PTK2: variants seen among roughly 807,000 people sequenced by gnomAD.
PTK2 encodes focal adhesion kinase 1.
Under a neutral mutation model 150.1 loss-of-function variants are expected in PTK2, and 45 were observed. The ratio of observed to expected loss-of-function variants is 0.30; its 90% CI spans 0.24 to 0.38. The LOEUF is 0.38. Ranked by LOEUF, PTK2 falls within the 10% of genes least tolerant of loss-of-function variation. The pLI is 1.00. For synonymous variants in PTK2, 432 were observed against 449.2 expected (o/e 0.96, Z 0.48); for missense variants, 919 against 1,307.3 (o/e 0.70, Z 4.58).
chr8:140,744,238 C>G (rs895876633), intron 19 of PTK2, among the ~76,000 whole-genome samples: 1 of 152,100 alleles, frequency 6.6e-6, no homozygotes, highest in African/African-American at 2.4e-5. Context: ...CAACAGATGT[C>G]ACTCATAAGG....
chr8:140,938,919 G>C (rs1363135364), intron 1 of PTK2, among the ~76,000 whole-genome samples: 1 of 152,022 alleles, frequency 6.6e-6, no homozygotes, highest in Non-Finnish European at 1.5e-5. Context: ...AAGGCAGGAG[G>C]ATCGCTTGAG....
In PTK2 at chr8:140,833,410, T is replaced by C. The variant is rs865936888; in HGVS notation, c.594-2884A>G. ...TCTCGAAATCAAACTACTTCAGGTT[T>C]TGTGATAGAGGACTCTGAGCCCACC... On this transcript the variant is annotated intron_variant, in intron 7 of 31. Coordinates refer to ENST00000522684, the Ensembl canonical transcript of PTK2. Among the ~76,000 whole-genome samples the C allele has an allele frequency of 2.6e-5, 4 of 152,344 alleles. No homozygotes were observed. The South Asian group carries it at 6.2e-4, about 24-fold the overall frequency.
At chr8:140,920,746 T>G in intron 2 of PTK2, 1 of 1,288,192 alleles carries the variant, frequency 7.8e-7, no homozygotes, top group South Asian at 1.9e-5. Context: ...TGAAAAACAT[T>G]TATCTACCTT....
At chr8:140,667,026 A>C (rs2092504272) in intron 30 of PTK2, among the ~76,000 whole-genome samples, 5 of 152,222 alleles carry the variant, frequency 3.3e-5, no homozygotes, top group Admixed American at 1.3e-4. Context: ...CAAAAAGACA[A>C]ATACAGTATG....
chr8:140,778,375 C>T lies in PTK2; in HGVS notation c.1177+11099G>A, dbSNP rs140258690. ...CTAAGGCACAAGAACTGCTTGAACC[C>T]GGGAAGCGGAGATTGCAGTAAGCCG... On this transcript the variant is annotated intron_variant, in intron 14 of 31. Transcript: ENST00000522684. 5.4e-3 allele frequency among the ~76,000 whole-genome samples: 825 copies of T among 152,298 alleles called. 6 individuals are homozygous for T. Among genetic ancestry groups the T allele is most frequent in the South Asian group, 0.032 (153 of 4,824 alleles).
At chr8:140,923,173 G>C (rs1408007160) in intron 2 of PTK2, among the ~76,000 whole-genome samples, 1 of 152,150 alleles carries the variant, frequency 6.6e-6, no homozygotes, top group Non-Finnish European at 1.5e-5. Context: ...AAGATGTTAA[G>C]ATATGAAAGA....
At chr8:140,863,218 G>A (rs2100137236) in intron 5 of PTK2, among the ~76,000 whole-genome samples, 4 of 151,766 alleles carry the variant, frequency 2.6e-5, no homozygotes, top group Admixed American at 1.3e-4. Flanking sequence ...CAATCTCTGG[G>A]TCCTATCAAA....
intron 2 of PTK2, among the ~76,000 whole-genome samples, chr8:140,907,787 C>T (rs532615392): frequency 3.3e-5 from 5 of 152,204 alleles, no homozygotes; most frequent in South Asian, 4.1e-4. Context: ...ATGGCACCCA[C>T]GTTAAGAGAG....
intron 29 of PTK2, among the ~76,000 whole-genome samples, chr8:140,672,607 C>T (rs944377671): frequency 2.0e-5 from 3 of 152,200 alleles, no homozygotes; most frequent in African/African-American, 7.2e-5. Context: ...AGAGAGCAGG[C>T]TAGTTTGTGC....
chr8:140,862,303 T>G (rs2100136652), intron 5 of PTK2, among the ~76,000 whole-genome samples: 1 of 152,116 alleles, frequency 6.6e-6, no homozygotes, highest in South Asian at 2.1e-4. Flanking sequence ...AAATGCTAAA[T>G]AAACATGAGT....
At chr8:140,894,212 C>T (rs2100155200) in intron 2 of PTK2, among the ~76,000 whole-genome samples, 1 of 152,108 alleles carries the variant, frequency 6.6e-6, no homozygotes, top group Non-Finnish European at 1.5e-5. Context: ...CTCTGCTCTC[C>T]AGAGATATGC....
chr8:140,755,356 G>A (rs2100065016), intron 16 of PTK2, among the ~76,000 whole-genome samples: 1 of 152,132 alleles, frequency 6.6e-6, no homozygotes, highest in South Asian at 2.1e-4. Flanking sequence ...CCCCACACAT[G>A]TCCCCTGGTG....
At chr8:140,977,099 T>C (rs528724989) in intron 1 of PTK2, among the ~76,000 whole-genome samples, 2 of 152,306 alleles carry the variant, frequency 1.3e-5, no homozygotes, top group African/African-American at 4.8e-5. Flanking sequence ...GAACAATAAA[T>C]GCTTTATGGG....
At chr8:140,911,560 AAGTGAAC>A (rs1168352415) in intron 2 of PTK2, among the ~76,000 whole-genome samples, 4 of 152,286 alleles carry the variant, frequency 2.6e-5, no homozygotes, top group African/African-American at 9.6e-5. Flanking sequence ...ACAAATCCTA[AAGTGAAC>A]AGCTCAATGA....
chr8:140,979,884 G>GT (rs1569535647), intron 1 of PTK2, among the ~76,000 whole-genome samples: 3 of 152,208 alleles, frequency 2.0e-5, no homozygotes, highest in Non-Finnish European at 4.4e-5. Flanking sequence ...CATGTGGAAT[G>GT]TAAGTCAATT....
intron 28 of PTK2, among the ~76,000 whole-genome samples, chr8:140,675,066 CAA>C (rs57165594): frequency 0.48 from 64,932 of 136,390 alleles, 14,565 homozygotes; most frequent in Non-Finnish European, 0.51. Flanking sequence ...ACTCTGTATC[CAA>C]AAAAAAAAAA....
intron 1 of PTK2, among the ~76,000 whole-genome samples, chr8:140,978,903 C>T (rs9657467): frequency 0.99 from 150,981 of 151,902 alleles, 75,041 homozygotes; most frequent in Middle Eastern, 1. Flanking sequence ...ATGTGGCACA[C>T]ATACACCATG....
At chr8:140,666,528 C>A (rs2091909555) in intron 30 of PTK2, among the ~76,000 whole-genome samples, 1 of 152,010 alleles carries the variant, frequency 6.6e-6, no homozygotes, top group African/African-American at 2.4e-5. Context: ...AAATCAAAAT[C>A]ACACTTAGAT....
intron 1 of PTK2, among the ~76,000 whole-genome samples, chr8:140,943,902 G>C (rs1237477347): frequency 6.6e-6 from 1 of 151,806 alleles, no homozygotes; most frequent in Non-Finnish European, 1.5e-5. Flanking sequence ...CAAATCTTTT[G>C]GCCACTTTTT....
Sources: gnomAD v4.1 joint callset for allele counts (sites outside exome capture counted in the v4.1 genomes callset) on GRCh38, gnomAD v4.1.1 for gene constraint, MANE v1.5 for transcripts, NCBI Gene and HGNC (gene_info 2026-07-23, HGNC 2026-07-21) for gene names.